Variants in NEURL3 observed in about 807,000 individuals in gnomAD.
NEURL3 encodes the protein E3 ubiquitin-protein ligase NEURL3.
Under a neutral mutation model 17.6 loss-of-function variants are expected in NEURL3, and 19 were observed. The ratio of observed to expected loss-of-function variants is 1.08; its 90% confidence interval spans 0.75 to 1.58. The LOEUF (loss-of-function observed/expected upper bound fraction) is 1.58. Among genes scored for constraint, NEURL3 ranks in the 40% most tolerant of loss-of-function variants. The probability of loss-of-function intolerance (pLI) is 0.00; values close to 1 mark genes in which losing one functional copy is unlikely to be tolerated. For missense variants in NEURL3, 342 were observed against 379.6 expected, an observed-to-expected ratio of 0.90 and a Z score of 0.82; for synonymous variants, 180 against 161.4, an observed-to-expected ratio of 1.11 and a Z score of -0.87.
intron 1 of NEURL3, among the ~76,000 whole-genome samples, chr2:96,503,439 T>G (rs1247018208): frequency 6.6e-6 from 1 of 152,134 alleles, no homozygotes; most frequent in Non-Finnish European, 1.5e-5. Flanking sequence ...TCTGTGCTGC[T>G]CACTCAGGCT....
chr2:96,501,480 G>A (rs1320310416), intron 1 of NEURL3, among the ~76,000 whole-genome samples: 1 of 151,924 alleles, frequency 6.6e-6, no homozygotes, highest in Non-Finnish European at 1.5e-5. Context: ...TTTCCCATGG[G>A]GAACTGCATC....
chr2:96,505,688 A>G (rs1231750817), upstream of NEURL3, among the ~76,000 whole-genome samples: 2 of 152,248 alleles, frequency 1.3e-5, no homozygotes, highest in East Asian at 3.8e-4. Context: ...GGTGGAACCC[A>G]GGCATCAGGA....
rs1247060969 is a variant in NEURL3 at position 96,505,253 on chromosome 2, A to C, written c.28+6T>G. ...CAAGCTCCAGGCTTGCAGGAGGTCT[A>C]CTTACTGGCCTCGAAGCAGAGCTGG... On this transcript the variant is annotated splice_donor_region_variant and intron_variant, in intron 1 of 3. Coordinates refer to ENST00000451794, the MANE Select transcript of NEURL3 (RefSeq NM_001285485.2). 1.9e-6 allele frequency: 3 copies of C among 1,599,222 alleles called. No individual in the cohort carries two copies. The highest frequency in any genetic ancestry group is 2.5e-6 in the Non-Finnish European group (3 of 1,179,790).
Position 96,500,459 on chromosome 2 carries a change from G to T in NEURL3, c.494C>A (p.Thr165Asn). ...CTCACCCAGCAGCTCGATGGCCTTA[G>T]TGGTCCCATACACGTCCATCACGGC... is the stretch of plus-strand genomic sequence containing the variant. The part of the protein sequence containing the change: ...LWAVMDVYGT[T>N]KAIELLDPTA... Residue 165 changes from threonine to asparagine, a missense_variant, in exon 2 of 4, where the codon ACT becomes AAT. Transcript: ENST00000451794. 1 of 1,597,400 alleles carries T rather than the reference G, an allele frequency of 6.3e-7. No homozygotes were observed.
upstream of NEURL3, among the ~76,000 whole-genome samples, chr2:96,506,773 C>T (rs1243813267): frequency 1.3e-5 from 2 of 152,258 alleles, no homozygotes; most frequent in African/African-American, 4.8e-5. Context: ...GGGAAGTCAA[C>T]TCTGAGCCTC....
chr2:96,500,470 C>T lies in NEURL3; in HGVS notation c.483G>A (p.Val161=). The T allele has an allele frequency of 6.3e-7, 1 of 1,596,932 alleles. No homozygotes were observed. The highest frequency in any genetic ancestry group is 8.5e-7 in the Non-Finnish European group (1 of 1,179,106). The change falls in exon 2 of 4, where the codon GTG becomes GTA. Residue 161 remains valine, a synonymous_variant. Coordinates refer to ENST00000451794, the MANE Select transcript of NEURL3 (RefSeq NM_001285485.2). ...VGAPLWAVMD[V]YGTTKAIELL... The stretch of plus-strand genomic sequence containing the variant: ...GCTCGATGGCCTTAGTGGTCCCATA[C>T]ACGTCCATCACGGCCCAGAGCGGGG...
intron 1 of NEURL3, among the ~76,000 whole-genome samples, chr2:96,502,811 G>T (rs980671608): frequency 3.3e-5 from 5 of 152,246 alleles, no homozygotes; most frequent in African/African-American, 1.2e-4. Context: ...CAATCCTGCT[G>T]CCATCCTAAG....
At chr2:96,505,019 T>C (rs1001739276) in intron 1 of NEURL3, among the ~76,000 whole-genome samples, 1 of 152,156 alleles carries the variant, frequency 6.6e-6, no homozygotes, top group Admixed American at 6.5e-5. Flanking sequence ...CGTTTGATTT[T>C]ATAAAGATCC....
chr2:96,502,613 G>A (rs1306841387), intron 1 of NEURL3, among the ~76,000 whole-genome samples: 2 of 152,248 alleles, frequency 1.3e-5, no homozygotes, highest in Non-Finnish European at 2.9e-5. Flanking sequence ...GGGCCTCTTG[G>A]CACAACCAGC....
chr2:96,506,896 G>T (rs1030953256), upstream of NEURL3, among the ~76,000 whole-genome samples: 3 of 152,142 alleles, frequency 2.0e-5, no homozygotes, highest in African/African-American at 7.2e-5. Context: ...CAGCTGGGGG[G>T]CAGAGGAGGT....
chr2:96,507,616 A>G (rs1553391563), upstream of NEURL3, among the ~76,000 whole-genome samples: 1 of 152,092 alleles, frequency 6.6e-6, no homozygotes, highest in Non-Finnish European at 1.5e-5. Context: ...GGCGCTCTCC[A>G]TGATGCCCAG....
upstream of NEURL3, among the ~76,000 whole-genome samples, chr2:96,506,977 G>C (rs1175277769): frequency 6.6e-6 from 1 of 152,150 alleles, no homozygotes; most frequent in Non-Finnish European, 1.5e-5. Flanking sequence ...CACACACTCT[G>C]TGTTTGTTTA....
intron 2 of NEURL3, 141 bp downstream of exon 2, chr2:96,500,298 C>A: frequency 1.6e-6 from 2 of 1,256,692 alleles, no homozygotes; most frequent in Non-Finnish European, 2.2e-6. Context: ...TCTCCAGTGC[C>A]CATCTTCACA....
chr2:96,502,167 G>A (rs990369652), intron 1 of NEURL3, among the ~76,000 whole-genome samples: 3 of 152,140 alleles, frequency 2.0e-5, no homozygotes, highest in African/African-American at 7.2e-5. Flanking sequence ...CTGTGTATCC[G>A]CATTCACCCC....
chr2:96,497,985 C>A lies in NEURL3; in HGVS notation c.*259G>T, dbSNP rs192484765. 4 of 482,104 alleles carry A rather than the reference C, an allele frequency of 8.3e-6. No homozygotes were observed. The East Asian group carries it at 1.4e-4, about 17-fold the overall frequency. The allele number at this position is 482,104 out of a possible 1,614,324, so 29.9% of individuals were successfully genotyped here. A position where few individuals can be genotyped will look rare whatever the true frequency, so the allele number is the denominator to read the frequency against. On this transcript the variant is annotated 3_prime_UTR_variant, in exon 4 of 4. Coordinates refer to ENST00000451794, the MANE Select transcript of NEURL3 (RefSeq NM_001285485.2). The stretch of plus-strand genomic sequence containing the variant: ...TAAAACTGATTGGGGATTGGGCCAC[C>A]CCATCTCTAAACAAAGCACCCCATC...
chr2:96,507,120 C>T (rs1184834357), upstream of NEURL3, among the ~76,000 whole-genome samples: 1 of 152,194 alleles, frequency 6.6e-6, no homozygotes, highest in African/African-American at 2.4e-5. Flanking sequence ...GCCATGAGGC[C>T]ATAAGACCCA....
chr2:96,501,358 A>G (rs900382516), intron 1 of NEURL3, among the ~76,000 whole-genome samples: 9 of 152,022 alleles, frequency 5.9e-5, no homozygotes, highest in African/African-American at 2.2e-4. Context: ...CCCAGCCCAT[A>G]CATTTATTCC....
chr2:96,504,877 C>CAAAAAAAAAA (rs1157285400), intron 1 of NEURL3, among the ~76,000 whole-genome samples: 15 of 55,280 alleles, frequency 2.7e-4, no homozygotes, highest in Admixed American at 6.2e-4. Flanking sequence ...GACTCCGTCT[C>CAAAAAAAAAA]AAAAAAAAAA....
chr2:96,498,370 G>T lies in NEURL3; in HGVS notation c.663C>A (p.Tyr221Ter). The T allele has an allele frequency of 2.5e-6, 4 of 1,599,502 alleles. No individual in the cohort carries two copies. Among genetic ancestry groups the T allele is most frequent in the Non-Finnish European group, 3.4e-6 (4 of 1,179,798 alleles). ...CCCGCCAGGCACAGTATCTGCAGAA[G>T]TATGTGTGGCCGCAGGGCACAAGGC... Reference protein sequence around the residue: ...NTRLVPCGHTYFCRYCAWRVF... With the variant: ...NTRLVPCGHT Residue 221 changes from tyrosine to a stop codon, truncating the protein, a stop_gained, in exon 4 of 4, where the codon TAC becomes TAA. Transcript: ENST00000451794. LOFTEE classifies it low-confidence loss of function (END_TRUNC). This position sits in a 1 kb window ranked among gnomAD's most constrained non-coding sequence, Gnocchi z 4.4.
Sources: allele counts gnomAD v4.1 joint callset (sites outside exome capture counted in the v4.1 genomes callset), GRCh38; gene constraint gnomAD v4.1.1; non-coding constraint Gnocchi (gnomAD v3.1); transcripts MANE v1.5; gene names NCBI Gene and HGNC (gene_info 2026-07-23, HGNC 2026-07-21).